The following KIFAP3 variants were observed in gnomAD, a reference collection of about 807,000 sequenced individuals.
KIFAP3 encodes the protein kinesin associated protein 3.
In KIFAP3, 68 loss-of-function variants were observed where a neutral mutation model predicts 106.5. The observed-to-expected ratio is 0.64, with a 90% CI of 0.53 to 0.78. The LOEUF is 0.78. Among genes scored for constraint, KIFAP3 ranks in the 30% least tolerant of loss-of-function variants. The pLI, the probability that KIFAP3 is intolerant of heterozygous loss-of-function variation, is 0.00. For missense variants in KIFAP3, 780 were observed against 941.8 expected (o/e 0.83, Z 2.25); for synonymous variants, 320 against 311.5 (o/e 1.03, Z -0.29).
At chr1:170,026,924 T>C (rs1669139672) in intron 8 of KIFAP3, among the ~76,000 whole-genome samples, 1 of 151,580 alleles carries the variant, frequency 6.6e-6, no homozygotes, top group Non-Finnish European at 1.5e-5. Flanking sequence ...TGTTTCCAAG[T>C]AATTTAACTA....
chr1:170,026,356 AT>A (rs1358170687), intron 8 of KIFAP3, among the ~76,000 whole-genome samples: 1 of 152,212 alleles, frequency 6.6e-6, no homozygotes, highest in Non-Finnish European at 1.5e-5. Context: ...CCACAAAAAA[AT>A]CTAACTGAAA....
intron 3 of KIFAP3, among the ~76,000 whole-genome samples, chr1:170,040,146 CAG>C (rs1167012905): frequency 6.6e-6 from 1 of 152,064 alleles, no homozygotes; most frequent in East Asian, 1.9e-4. Context: ...CTGCTTCAAA[CAG>C]ATAATTTACT....
At chr1:170,084,094 C>T (rs1040522508) in intron 1 of KIFAP3, among the ~76,000 whole-genome samples, 3 of 152,102 alleles carry the variant, frequency 2.0e-5, no homozygotes, top group Non-Finnish European at 4.4e-5. Flanking sequence ...CGAATAATCC[C>T]AATGATACAC....
At chr1:169,942,963 T>C (rs1450618763) in intron 19 of KIFAP3, among the ~76,000 whole-genome samples, 2 of 127,732 alleles carry the variant, frequency 1.6e-5, no homozygotes, top group African/African-American at 2.9e-5. Flanking sequence ...TTTCTTTTGA[T>C]TGAAACCAAG....
chr1:169,977,505 G>A (rs1355639086), intron 16 of KIFAP3, among the ~76,000 whole-genome samples: 2 of 152,004 alleles, frequency 1.3e-5, no homozygotes, highest in Non-Finnish European at 2.9e-5. Flanking sequence ...TGTATCCTAG[G>A]GAGGTTAAGT....
At chr1:170,039,207 T>A (rs769615048) in intron 4 of KIFAP3, 26 bp downstream of exon 4, 3 of 1,417,536 alleles carry the variant, frequency 2.1e-6, no homozygotes, top group Non-Finnish European at 2.9e-6. Flanking sequence ...CAGTCCTCTA[T>A]TAGATCAGAA....
At chr1:170,038,511 A>T in intron 4 of KIFAP3, 80 bp from the exon 5 acceptor site, 1 of 1,381,750 alleles carries the variant, frequency 7.2e-7, no homozygotes, top group South Asian at 1.3e-5. Flanking sequence ...TGTGATCAAT[A>T]TACTGGCCTT....
Position 169,921,625 on chromosome 1 carries a change from C to A in KIFAP3, c.*51G>T. 7.0e-7 allele frequency: 1 copy of A among 1,427,864 alleles called. No homozygotes were observed. The highest frequency in any genetic ancestry group is 1.2e-5 in the South Asian group (1 of 85,644). 88.4% of individuals were successfully genotyped at this position (1,427,864 alleles called of 1,614,324 possible). On this transcript the variant is annotated 3_prime_UTR_variant, in exon 20 of 20. Transcript: ENST00000361580. ...AGGCAAAGATCCAAAATTAACCCAA[C>A]CCACACAGATTTCTTCTAAGCTGAG...
At chr1:170,035,997 C>T (rs1413737284) in intron 5 of KIFAP3, among the ~76,000 whole-genome samples, 2 of 151,840 alleles carry the variant, frequency 1.3e-5, no homozygotes, top group Non-Finnish European at 2.9e-5. Context: ...GACTAACACT[C>T]GTTCCATTAA....
At chr1:170,000,812 C>T (rs1667626920) in intron 10 of KIFAP3, among the ~76,000 whole-genome samples, 1 of 151,908 alleles carries the variant, frequency 6.6e-6, no homozygotes, top group Non-Finnish European at 1.5e-5. Context: ...AGATAAAAAC[C>T]AACAGTTGTT....
intron 7 of KIFAP3, among the ~76,000 whole-genome samples, chr1:170,033,982 C>T (rs555857249): frequency 9.5e-4 from 145 of 151,866 alleles, no homozygotes; most frequent in Non-Finnish European, 1.9e-3. Flanking sequence ...ACCAAATTTA[C>T]ACCCATTCTA....
intron 11 of KIFAP3, among the ~76,000 whole-genome samples, chr1:169,988,318 C>T (rs559761561): frequency 6.6e-6 from 1 of 151,934 alleles, no homozygotes; most frequent in Non-Finnish European, 1.5e-5. Context: ...ATATAGTTTA[C>T]AGTTTATAAA....
chr1:170,038,576 G>A (rs754076156), intron 4 of KIFAP3, 145 bp from the exon 5 acceptor site: 17 of 764,128 alleles, frequency 2.2e-5, no homozygotes, highest in Non-Finnish European at 3.4e-5. Context: ...TTTGGATATG[G>A]AAATTTTAGA....
chr1:169,949,831 G>A (rs749161852), intron 19 of KIFAP3, among the ~76,000 whole-genome samples: 9 of 152,008 alleles, frequency 5.9e-5, no homozygotes, highest in Non-Finnish European at 1.2e-4. Flanking sequence ...AAATCCTGGC[G>A]CCAAGAGGTT....
At position 169,951,201 on chromosome 1, in the gene KIFAP3, GA is replaced by G. The variant is rs199991683; in HGVS notation, c.2273+2809del. ...CACAAAATTTGAGGAAATTCATTGT[GA>G]ATTATTTCTTCTAAACATGAAAAAA... On this transcript the variant is annotated intron_variant, in intron 19 of 19. Coordinates refer to ENST00000361580, the MANE Select transcript of KIFAP3 (RefSeq NM_014970.4). 6.8e-3 allele frequency among the ~76,000 whole-genome samples: 1,032 copies of G among 151,916 alleles called. 12 individuals are homozygous for G. The highest frequency in any genetic ancestry group is 0.023 in the African/African-American group (961 of 41,502).
At chr1:170,011,614 A>G (rs1668246684) in intron 10 of KIFAP3, among the ~76,000 whole-genome samples, 1 of 152,124 alleles carries the variant, frequency 6.6e-6, no homozygotes, top group South Asian at 2.1e-4. Flanking sequence ...ACATATTTAA[A>G]ATAATATACT....
At chr1:169,981,834 T>A in intron 15 of KIFAP3, 138 bp downstream of exon 15, 1 of 664,764 alleles carries the variant, frequency 1.5e-6, no homozygotes, top group Non-Finnish European at 2.5e-6. Context: ...TTTAATTCAT[T>A]TTTCTTGATT....
intron 18 of KIFAP3, 78 bp downstream of exon 18, chr1:169,960,968 G>A: frequency 9.6e-7 from 1 of 1,046,948 alleles, no homozygotes; most frequent in Non-Finnish European, 1.4e-6. Flanking sequence ...TATTAAGCTT[G>A]GGAATGTGCA....
chr1:169,981,033 G>A (rs568805516), intron 15 of KIFAP3, among the ~76,000 whole-genome samples: 38 of 152,220 alleles, frequency 2.5e-4, no homozygotes, highest in Admixed American at 4.6e-4. Context: ...CCCGGGAGGC[G>A]GAGGTTGTGG....
Sources: allele counts gnomAD v4.1 joint callset (sites outside exome capture counted in the v4.1 genomes callset), GRCh38; gene constraint gnomAD v4.1.1; transcripts MANE v1.5; gene names NCBI Gene and HGNC (gene_info 2026-07-23, HGNC 2026-07-21).